Variants in RAB23 observed in about 807,000 individuals in gnomAD.
The protein encoded by RAB23 is RAB23, member RAS oncogene family.
A neutral mutation model predicts 30.0 loss-of-function variants in RAB23; 15 were observed. The observed-to-expected ratio is 0.50, with a 90% CI of 0.33 to 0.77. The LOEUF is 0.77. Among genes scored for constraint, RAB23 ranks in the 30% least tolerant of loss-of-function variants. The probability of loss-of-function intolerance (pLI) is 0.02; values close to 1 mark genes in which losing one functional copy is unlikely to be tolerated. For missense variants in RAB23, 243 were observed against 275.4 expected (o/e 0.88, Z 0.83); for synonymous variants, 93 against 94.0 (o/e 0.99, Z 0.06).
In RAB23 at chr6:57,190,476, G is replaced by A. The variant is rs755447089; in HGVS notation, c.699C>T (p.Ser233=). 17 of 1,613,986 alleles carry A rather than the reference G, an allele frequency of 1.1e-5. No individual in the cohort carries two copies. Among genetic ancestry groups the A allele is most frequent in the Non-Finnish European group, 1.4e-5 (16 of 1,179,962 alleles). Residue 233 remains serine, a synonymous_variant, in exon 7 of 7, where the codon AGC becomes AGT. Transcript: ENST00000468148. ...CCAAAACATCTTAGGGTATGCTACA[G>A]CTGCTAAAAGGATTTCTGTTTTTCT... ...RTKKNRNPFS[S]CSIP
At chr6:57,203,714 C>A (rs1765352568) in intron 3 of RAB23, among the ~76,000 whole-genome samples, 1 of 152,102 alleles carries the variant, frequency 6.6e-6, no homozygotes, top group African/African-American at 2.4e-5. Context: ...ATACAAATAT[C>A]ATCTACTTGA....
intron 3 of RAB23, among the ~76,000 whole-genome samples, chr6:57,202,210 CTTACTT>C (rs1194248980): frequency 1.3e-5 from 2 of 152,140 alleles, no homozygotes; most frequent in Admixed American, 1.3e-4. Flanking sequence ...ACCTTCTCTT[CTTACTT>C]TTATTTCTAT....
intron 2 of RAB23, among the ~76,000 whole-genome samples, chr6:57,209,994 G>GA (rs1261174083): frequency 7.3e-6 from 1 of 136,524 alleles, no homozygotes; most frequent in Admixed American, 7.5e-5. Context: ...CTATGAGACA[G>GA]AAAAAAACGT....
chr6:57,212,749 T>C (rs1765701115), intron 1 of RAB23, among the ~76,000 whole-genome samples: 2 of 148,648 alleles, frequency 1.3e-5, no homozygotes, highest in African/African-American at 2.5e-5. Context: ...TGGCCAGGCA[T>C]GGTGGCGTGA....
Position 57,189,652 on chromosome 6 carries a change from C to A in RAB23, c.*809G>T, listed in dbSNP as rs1764757486. ...TTCCTATACTCCTCTTTTATCTACG[C>A]TGTCAGATGAAAACTGCTTACTGCT... On this transcript the variant is annotated 3_prime_UTR_variant, in exon 7 of 7. Coordinates refer to ENST00000468148, the MANE Select transcript of RAB23 (RefSeq NM_016277.5). 6.6e-6 allele frequency: 1 copy of A among 152,564 alleles called. No homozygotes were observed. The highest frequency in any genetic ancestry group is 1.5e-5 in the Non-Finnish European group (1 of 68,050). The allele number at this position is 152,564 out of a possible 1,614,324, so 9.5% of individuals were successfully genotyped here.
At chr6:57,216,306 T>TAA (rs767893162) in intron 1 of RAB23, among the ~76,000 whole-genome samples, 7 of 152,154 alleles carry the variant, frequency 4.6e-5, no homozygotes, top group Non-Finnish European at 8.8e-5. Flanking sequence ...ACTATATATA[T>TAA]AATGTAATAC....
At chr6:57,202,782 G>T (rs1765314812) in intron 3 of RAB23, among the ~76,000 whole-genome samples, 1 of 151,982 alleles carries the variant, frequency 6.6e-6, no homozygotes, top group Non-Finnish European at 1.5e-5. Context: ...ACCCCAAAGA[G>T]GTTTCCCAAA....
At chr6:57,201,200 C>T (rs996225703) in intron 3 of RAB23, among the ~76,000 whole-genome samples, 1 of 151,910 alleles carries the variant, frequency 6.6e-6, no homozygotes, top group Non-Finnish European at 1.5e-5. Context: ...TCTCCTGCCT[C>T]AGCCTGAGTA....
intron 2 of RAB23, among the ~76,000 whole-genome samples, chr6:57,208,877 T>C (rs1765545980): frequency 6.6e-6 from 1 of 152,152 alleles, no homozygotes; most frequent in African/African-American, 2.4e-5. Context: ...GTTTTATGTG[T>C]TTCTGTTTAA....
chr6:57,202,296 C>CT (rs1350595966), intron 3 of RAB23, among the ~76,000 whole-genome samples: 2 of 152,200 alleles, frequency 1.3e-5, no homozygotes, highest in Non-Finnish European at 2.9e-5. Context: ...GCATCTCTCC[C>CT]TAAAAACACC....
chr6:57,210,114 C>A (rs2128004064), intron 2 of RAB23, 112 bp downstream of exon 2: 1 of 1,133,580 alleles, frequency 8.8e-7, no homozygotes, highest in East Asian at 2.5e-5. Context: ...ATGAGCATTG[C>A]CACTAGTTGC....
intron 1 of RAB23, among the ~76,000 whole-genome samples, chr6:57,211,329 G>C (rs1297951731): frequency 6.6e-6 from 1 of 152,064 alleles, no homozygotes; most frequent in Non-Finnish European, 1.5e-5. Context: ...GTGTAGTGGT[G>C]CATGCCTGTC....
Position 57,194,962 on chromosome 6 carries a change from G to A in RAB23, c.399-110C>T, listed in dbSNP as rs940547067. 3.7e-5 allele frequency: 29 copies of A among 784,406 alleles called. No individual in the cohort carries two copies. In the African/African-American group the frequency reaches 4.9e-4, roughly 13 times the overall value. 48.6% of individuals were successfully genotyped at this position (784,406 alleles called of 1,614,324 possible). On this transcript the variant is annotated intron_variant, in intron 4 of 6. Coordinates refer to ENST00000468148, the MANE Select transcript of RAB23 (RefSeq NM_016277.5). ...AATACAGTTTGGCAGGGAAGGGAGG[G>A]AAGGTGGATCAGATCTTTCAGAAAA...
In RAB23 at chr6:57,196,451, T is replaced by G. The variant is rs1211401650; in HGVS notation, c.397A>C (p.Asn133His). 6.2e-7 allele frequency: 1 copy of G among 1,613,978 alleles called. No individual in the cohort carries two copies. The highest frequency in any genetic ancestry group is 1.1e-5 in the South Asian group (1 of 91,078). The change falls in exon 4 of 7, where the codon AAT becomes CAT. Residue 133 changes from asparagine to histidine, a missense_variant and splice_region_variant. Physicochemically the swap from Asn to His is moderately conservative, Grantham distance 68. Coordinates refer to ENST00000468148, the MANE Select transcript of RAB23 (RefSeq NM_016277.5). Reference sequence around the variant, plus strand: ...CTTCCCCAAAAGTAGCCATCTTACTTCTTTATACAAGAATCATCCAGAAGA... The same window carrying G: ...CTTCCCCAAAAGTAGCCATCTTACTGCTTTATACAAGAATCATCCAGAAGA... ...IDLLDDSCIK[N>H]EEAEALAKRL... is the part of the protein sequence containing the mutation.
intron 1 of RAB23, among the ~76,000 whole-genome samples, chr6:57,212,272 C>A (rs1288768420): frequency 1.3e-5 from 2 of 152,014 alleles, no homozygotes; most frequent in East Asian, 1.9e-4. Context: ...CAACATGGAT[C>A]CTCTTTGGTC....
At chr6:57,205,100 A>C (rs1185844898) in intron 3 of RAB23, among the ~76,000 whole-genome samples, 1 of 150,212 alleles carries the variant, frequency 6.7e-6, no homozygotes, top group Non-Finnish European at 1.5e-5. Context: ...ATTTATAAAT[A>C]TATATACACT....
Position 57,196,556 on chromosome 6 carries a change from C to G in RAB23, c.292G>C (p.Glu98Gln), listed in dbSNP as rs1320442469. ...VFSTTDRESF[E>Q]AVSSWREKVV... ...TTCTCTCTCCAACTGGAAACTGCTT[C>G]AAAAGATTCCCTATCTGTGGTAGAG... The change falls in exon 4 of 7, where the codon GAA becomes CAA. Residue 98 changes from glutamate (E) to glutamine (Q), a missense_variant. Glu to Gln is a conservative substitution (Grantham distance 29). Coordinates refer to ENST00000468148, the MANE Select transcript of RAB23 (RefSeq NM_016277.5). 4 of 1,613,870 alleles carry G rather than the reference C, an allele frequency of 2.5e-6. No individual in the cohort carries two copies. Among genetic ancestry groups the G allele is most frequent in the Non-Finnish European group, 3.4e-6 (4 of 1,179,956 alleles).
Position 57,196,550 on chromosome 6 carries a change from C to G in RAB23, c.298G>C (p.Val100Leu). ...ACTACTTTCTCTCTCCAACTGGAAA[C>G]TGCTTCAAAAGATTCCCTATCTGTG... ...STTDRESFEAVSSWREKVVAE... is the reference protein window; with the variant it reads ...STTDRESFEALSSWREKVVAE... The change falls in exon 4 of 7, where the codon GTT (valine) becomes CTT (leucine). Residue 100 changes from valine (V) to leucine (L), a missense_variant. Physicochemically the swap from Val to Leu is conservative, Grantham distance 32 (BLOSUM62 1). Coordinates refer to ENST00000468148, the MANE Select transcript of RAB23 (RefSeq NM_016277.5). The G allele has an allele frequency of 6.2e-7, 1 of 1,614,050 alleles. No individual in the cohort carries two copies. The highest frequency in any genetic ancestry group is 1.7e-5 in the Admixed American group (1 of 60,018).
rs779408083 is a variant in RAB23, at chr6:57,210,402, T to C, written c.-22A>G. 25 of 1,611,490 alleles carry C rather than the reference T, an allele frequency of 1.6e-5. No individual in the cohort carries two copies. In the African/African-American group the frequency reaches 3.3e-4, roughly 22 times the overall value. Reference sequence around the variant, plus strand: ...ACATTTTTGGAGCTGAAATGGTTTCTGTACCAACTCTAATTCTAGGAGATC... The same window carrying C: ...ACATTTTTGGAGCTGAAATGGTTTCCGTACCAACTCTAATTCTAGGAGATC... On this transcript the variant is annotated 5_prime_UTR_variant, in exon 2 of 7. Transcript: ENST00000468148.
Sources: allele counts gnomAD v4.1 joint callset (sites outside exome capture counted in the v4.1 genomes callset), GRCh38; gene constraint gnomAD v4.1.1; transcripts MANE v1.5; gene names NCBI Gene and HGNC (gene_info 2026-07-23, HGNC 2026-07-21).